The following ROBO2 variants were observed in gnomAD, a reference collection of about 807,000 sequenced individuals.
The protein encoded by ROBO2 is roundabout guidance receptor 2.
ROBO2 carries 53 observed loss-of-function variants against 160.8 expected under a neutral mutation model. The observed-to-expected ratio is 0.33, with a 90% CI of 0.26 to 0.41. The LOEUF is 0.41. Ranked by LOEUF, ROBO2 falls within the 10% of genes least tolerant of loss-of-function variation. ROBO2 has a pLI of 1.00. For missense variants in ROBO2, 1,577 were observed against 1,722.4 expected (o/e 0.92, Z 1.49); for synonymous variants, 664 against 611.7 (o/e 1.09, Z -1.26).
chr3:76,417,463 A>G (rs1156440753), intron 2 of ROBO2, among the ~76,000 whole-genome samples: 1 of 152,216 alleles, frequency 6.6e-6, no homozygotes, highest in Non-Finnish European at 1.5e-5. Flanking sequence ...CTAGTTACAG[A>G]GTTAAAAGGA....
chr3:76,394,456 C>A (rs973784926), intron 2 of ROBO2, among the ~76,000 whole-genome samples: 2 of 152,156 alleles, frequency 1.3e-5, no homozygotes, highest in Admixed American at 1.3e-4. Context: ...GGCCCCCACT[C>A]TCTTCTGGCT....
chr3:77,544,822 T>A (rs1314131803), intron 6 of ROBO2, among the ~76,000 whole-genome samples: 1 of 152,052 alleles, frequency 6.6e-6, no homozygotes, highest in Non-Finnish European at 1.5e-5. Flanking sequence ...AAAGTGGATA[T>A]AGATTATTAG....
At chr3:77,130,515 T>A (rs957460131) in intron 2 of ROBO2, among the ~76,000 whole-genome samples, 3 of 152,232 alleles carry the variant, frequency 2.0e-5, no homozygotes, top group Non-Finnish European at 4.4e-5. Context: ...TATGAATGCA[T>A]TCCAATACTA....
rs575103876 is a variant in ROBO2, at chr3:76,624,573, C to A, written c.110-473441C>A. ...CAGAACTTTGGAAAGCCGAGGCGGG[C>A]GGATCGCCTGAGGTTAGGAGTTTGC... On this transcript the variant is annotated intron_variant, in intron 2 of 26. Coordinates refer to the ROBO2 transcript ENST00000487694. Among the ~76,000 whole-genome samples, 54 of 151,816 alleles carry A rather than the reference C, an allele frequency of 3.6e-4. 1 individual carries two copies. The highest frequency in any genetic ancestry group is 2.5e-3 in the South Asian group (12 of 4,792).
At chr3:76,029,160 A>T (rs551735168) in intron 2 of ROBO2, among the ~76,000 whole-genome samples, 135 of 152,098 alleles carry the variant, frequency 8.9e-4, no homozygotes, top group Non-Finnish European at 1.7e-3. Flanking sequence ...GACCTAATAT[A>T]TTTAGTTTTT....
intron 1 of ROBO2, among the ~76,000 whole-genome samples, chr3:75,908,459 AC>A (rs1946440146): frequency 4.8e-5 from 2 of 41,642 alleles, no homozygotes; most frequent in Non-Finnish European, 1.0e-4. Flanking sequence ...AGATGTAGAG[AC>A]TGTGTCACAG....
At chr3:76,804,126 C>G (rs978753495) in intron 2 of ROBO2, among the ~76,000 whole-genome samples, 1 of 152,074 alleles carries the variant, frequency 6.6e-6, no homozygotes, top group Admixed American at 6.6e-5. Context: ...GTCACATTCT[C>G]TTAGGGAGAG....
At chr3:76,311,029 A>G (rs1001439025) in intron 2 of ROBO2, 1 of 152,218 alleles carries the variant, frequency 6.6e-6, no homozygotes, top group East Asian at 1.9e-4. Context: ...ACTGAGGAAT[A>G]TATTCCCACT....
rs2091020548 is a variant in ROBO2 at position 76,647,317 on chromosome 3, TACAG to T, written c.110-450693_110-450690del. Among the ~76,000 whole-genome samples the T allele has an allele frequency of 2.0e-5, 3 of 152,266 alleles. No homozygotes were observed. The South Asian group carries it at 6.2e-4, about 32-fold the overall frequency. ...CAAATGAAGAAGTTCCCAAGAATTG[TACAG>T]ACAAAGCCCTTCCTCCTCTAGCCTT... On this transcript the variant is annotated intron_variant, in intron 2 of 26. Coordinates refer to the ROBO2 transcript ENST00000487694.
At chr3:76,853,169 T>A (rs902802562) in intron 2 of ROBO2, among the ~76,000 whole-genome samples, 1 of 152,102 alleles carries the variant, frequency 6.6e-6, no homozygotes, top group African/African-American at 2.4e-5. Flanking sequence ...AGACATTTCT[T>A]AATATTTAGT....
intron 2 of ROBO2, among the ~76,000 whole-genome samples, chr3:76,795,925 G>A (rs1417768718): frequency 6.6e-6 from 1 of 152,178 alleles, no homozygotes; most frequent in East Asian, 1.9e-4. Flanking sequence ...TTGCAGAATG[G>A]ATATTGCATT....
chr3:75,966,452 A>G (rs1257302739), intron 2 of ROBO2, among the ~76,000 whole-genome samples: 1 of 151,682 alleles, frequency 6.6e-6, no homozygotes. Flanking sequence ...ATGCTGGCCT[A>G]TTTTTCTGGG....
At chr3:76,612,347 T>C (rs1034902357) in intron 2 of ROBO2, among the ~76,000 whole-genome samples, 23 of 152,110 alleles carry the variant, frequency 1.5e-4, no homozygotes, top group Non-Finnish European at 3.1e-4. Context: ...ATGCTGAGAG[T>C]GGGGTGTTGA....
intron 24 of ROBO2, among the ~76,000 whole-genome samples, chr3:77,640,298 A>G (rs950163393): frequency 2.0e-5 from 3 of 151,992 alleles, no homozygotes; most frequent in Non-Finnish European, 2.9e-5. Context: ...TATTTTTAGT[A>G]GAGACGGGGT....
chr3:76,366,318 C>T (rs1365306510), intron 2 of ROBO2, among the ~76,000 whole-genome samples: 1 of 152,088 alleles, frequency 6.6e-6, no homozygotes, highest in Middle Eastern at 3.4e-3. Flanking sequence ...AGGCACACTG[C>T]ATTTCATTTA....
intron 2 of ROBO2, among the ~76,000 whole-genome samples, chr3:76,774,295 G>C (rs1435231628): frequency 6.6e-6 from 1 of 150,758 alleles, no homozygotes; most frequent in East Asian, 2.0e-4. Flanking sequence ...TCTGGTCCTG[G>C]CATAACAACA....
intron 2 of ROBO2, among the ~76,000 whole-genome samples, chr3:76,924,935 G>C (rs1205092129): frequency 6.6e-6 from 1 of 152,092 alleles, no homozygotes; most frequent in Non-Finnish European, 1.5e-5. Flanking sequence ...GCGGCCGGGC[G>C]CGGTGGCTCA....
chr3:76,933,341 ATTAC>A (rs1458166324), intron 2 of ROBO2, among the ~76,000 whole-genome samples: 1 of 152,174 alleles, frequency 6.6e-6, no homozygotes, highest in Non-Finnish European at 1.5e-5. Context: ...ACTATATCTA[ATTAC>A]TTCAGCAAAT....
At chr3:77,597,395 TG>T (rs1338879696) in intron 19 of ROBO2, among the ~76,000 whole-genome samples, 16 of 152,120 alleles carry the variant, frequency 1.1e-4, no homozygotes, top group Non-Finnish European at 2.2e-4. Context: ...CCTCTCCCTG[TG>T]GGTTTGTAAG....
Sources: gnomAD v4.1 joint callset for allele counts (sites outside exome capture counted in the v4.1 genomes callset) on GRCh38, gnomAD v4.1.1 for gene constraint, MANE v1.5 for transcripts, NCBI Gene and HGNC (gene_info 2026-07-23, HGNC 2026-07-21) for gene names.